Variants in DTNB observed in about 807,000 individuals in gnomAD.
DTNB encodes the protein dystrobrevin beta.
DTNB carries 63 observed loss-of-function variants against 90.7 expected under a neutral mutation model. That is an observed-to-expected ratio of 0.69 (90% CI 0.57 to 0.86). The LOEUF is 0.86. Ranked by LOEUF, DTNB falls within the 40% of genes least tolerant of loss-of-function variation. DTNB has a pLI of 0.00. For synonymous variants in DTNB, 277 were observed against 286.7 expected, an observed-to-expected ratio of 0.97 and a Z score of 0.34; for missense variants, 744 against 807.1, an observed-to-expected ratio of 0.92 and a Z score of 0.95.
chr2:25,574,855 TAAC>T (rs966963000), intron 8 of DTNB, among the ~76,000 whole-genome samples: 3 of 152,164 alleles, frequency 2.0e-5, no homozygotes, highest in African/African-American at 7.2e-5. Context: ...GAAATAAGAA[TAAC>T]AACATATGCA....
chr2:25,404,341 G>A (rs1022766534), intron 16 of DTNB, among the ~76,000 whole-genome samples: 8 of 152,072 alleles, frequency 5.3e-5, no homozygotes, highest in African/African-American at 1.4e-4. Context: ...GTATCTCGAC[G>A]GGTACAACTG....
intron 9 of DTNB, among the ~76,000 whole-genome samples, chr2:25,491,158 G>GAC (rs59803099): frequency 2.0e-5 from 3 of 150,512 alleles, no homozygotes; most frequent in African/African-American, 7.4e-5. Context: ...CACACACACA[G>GAC]ACACACACAC....
chr2:25,569,002 C>T (rs112989057), intron 8 of DTNB, among the ~76,000 whole-genome samples: 2 of 152,182 alleles, frequency 1.3e-5, no homozygotes, highest in Admixed American at 6.5e-5. Flanking sequence ...TAAGACACAG[C>T]GGCCAAGAGG....
intron 4 of DTNB, among the ~76,000 whole-genome samples, chr2:25,608,181 G>C (rs992581480): frequency 7.9e-5 from 12 of 152,254 alleles, no homozygotes; most frequent in Non-Finnish European, 1.5e-4. Flanking sequence ...ATGTTTCATT[G>C]TAACTTAGAG....
At chr2:25,651,077 T>C (rs746885833) in intron 2 of DTNB, among the ~76,000 whole-genome samples, 5 of 152,234 alleles carry the variant, frequency 3.3e-5, no homozygotes, top group Admixed American at 6.5e-5. Flanking sequence ...CAGGAAATTA[T>C]TGCTTTGGTT....
chr2:25,431,617 T>C lies in DTNB; in HGVS notation c.1457+1269A>G, dbSNP rs140311506. 6.6e-5 allele frequency among the ~76,000 whole-genome samples: 10 copies of C among 152,370 alleles called. No homozygotes were observed. The East Asian group carries it at 1.9e-3, about 29-fold the overall frequency. On this transcript the variant is annotated intron_variant, in intron 14 of 20. Transcript: ENST00000406818. Reference sequence around the variant, plus strand: ...CTCAGCCCTGCTACTACATCTAAGATATTTTTCAGATCCTTCCGGCTTAAC... The same window carrying C: ...CTCAGCCCTGCTACTACATCTAAGACATTTTTCAGATCCTTCCGGCTTAAC...
chr2:25,638,323 G>A (rs1039520835), intron 3 of DTNB, among the ~76,000 whole-genome samples: 6 of 152,106 alleles, frequency 3.9e-5, no homozygotes, highest in East Asian at 1.9e-4. Flanking sequence ...AAACCTGCAC[G>A]TTGTGCACAT....
chr2:25,536,473 G>GGGCAGATCACCCGAGGCC (rs1431295242), intron 8 of DTNB, among the ~76,000 whole-genome samples: 2 of 152,142 alleles, frequency 1.3e-5, no homozygotes, highest in Admixed American at 6.5e-5. Flanking sequence ...AGGCCGAGGC[G>GGGCAGATCACCCGAGGCC]GGCAGATCAC....
intron 4 of DTNB, among the ~76,000 whole-genome samples, chr2:25,625,551 A>ATTTTTTTTTTTTTTTTTTT (rs66586812): frequency 6.8e-5 from 5 of 73,958 alleles, no homozygotes; most frequent in African/African-American, 1.1e-4. Context: ...TAACTCACTC[A>ATTTTTTTTTTTTTTTTTTT]TTTTTTTTTT....
intron 12 of DTNB, among the ~76,000 whole-genome samples, chr2:25,439,318 G>A (rs541033247): frequency 6.6e-6 from 1 of 152,078 alleles, no homozygotes; most frequent in African/African-American, 2.4e-5. Flanking sequence ...TGGTCAACAC[G>A]GCAAAACCCC....
intron 1 of DTNB, among the ~76,000 whole-genome samples, chr2:25,670,627 T>C (rs2085609806): frequency 6.6e-6 from 1 of 152,198 alleles, no homozygotes; most frequent in East Asian, 1.9e-4. Flanking sequence ...CCAATGTGAA[T>C]GGTGCTCCCT....
At chr2:25,511,954 C>G (rs997100466) in intron 9 of DTNB, among the ~76,000 whole-genome samples, 3 of 152,082 alleles carry the variant, frequency 2.0e-5, no homozygotes, top group Non-Finnish European at 4.4e-5. Context: ...CAAAACAATT[C>G]TATTTAAAAA....
chr2:25,609,576 A>G (rs2067961922), intron 4 of DTNB, among the ~76,000 whole-genome samples: 1 of 144,522 alleles, frequency 6.9e-6, no homozygotes, highest in Admixed American at 7.1e-5. Context: ...TTGCCTGGGC[A>G]ACAAGAGCGA....
At chr2:25,519,367 C>CT (rs1197635484) in intron 9 of DTNB, among the ~76,000 whole-genome samples, 1,429 of 126,474 alleles carry the variant, frequency 0.011, 10 homozygotes, top group African/African-American at 0.023. Context: ...CCTGTTTCTA[C>CT]TTTTTTTTTT....
intron 1 of DTNB, among the ~76,000 whole-genome samples, chr2:25,659,081 G>T (rs992471697): frequency 1.1e-4 from 16 of 151,740 alleles, no homozygotes; most frequent in African/African-American, 3.9e-4. Context: ...GAACCTTAAT[G>T]CATGCAATTA....
chr2:25,383,361 C>T lies in DTNB; in HGVS notation c.1879+475G>A, dbSNP rs533587084. On this transcript the variant is annotated intron_variant, in intron 19 of 20. Coordinates refer to ENST00000406818, the MANE Select transcript of DTNB (RefSeq NM_021907.5). ...CTCCCCAAGTAGCTGGGACTACAGG[C>T]GCCTGCCACCACACCTGGCTAATTT... Among the ~76,000 whole-genome samples, 83 of 151,880 alleles carry T rather than the reference C, an allele frequency of 5.5e-4. 1 individual carries two copies. The highest frequency in any genetic ancestry group is 2.9e-3 in the Admixed American group (44 of 15,252).
At chr2:25,543,878 G>A (rs1292409919) in intron 8 of DTNB, among the ~76,000 whole-genome samples, 1 of 152,058 alleles carries the variant, frequency 6.6e-6, no homozygotes, top group Non-Finnish European at 1.5e-5. Flanking sequence ...GGGACTTAAT[G>A]GGTGCTTTTA....
At chr2:25,634,432 T>G (rs1271213856) in intron 3 of DTNB, among the ~76,000 whole-genome samples, 7 of 137,112 alleles carry the variant, frequency 5.1e-5, no homozygotes, top group South Asian at 4.7e-4. Flanking sequence ...GGGAGGGAGG[T>G]GGGGGGGTCA....
chr2:25,595,495 TG>T (rs141617720), intron 6 of DTNB, among the ~76,000 whole-genome samples: 3,384 of 152,322 alleles, frequency 0.022, 123 homozygotes, highest in African/African-American at 0.075. Flanking sequence ...GTGTCTATCC[TG>T]TGGCTGAGGC....
Sources: gnomAD v4.1 joint callset for allele counts (sites outside exome capture counted in the v4.1 genomes callset) on GRCh38, gnomAD v4.1.1 for gene constraint, MANE v1.5 for transcripts, NCBI Gene and HGNC (gene_info 2026-07-23, HGNC 2026-07-21) for gene names.